Variants in XKR9 observed in about 807,000 individuals in gnomAD.
XKR9 encodes XK-related protein 9.
XKR9 carries 32 observed loss-of-function variants against 32.0 expected under a neutral mutation model. That is an observed-to-expected ratio of 1.00 (90% CI 0.76 to 1.34). XKR9 has a LOEUF of 1.34. XKR9 is among the 40% of genes most tolerant of loss of function. XKR9 has a pLI of 0.00. For missense variants in XKR9, 546 were observed against 429.7 expected, an observed-to-expected ratio of 1.27 and a Z score of -2.39; for synonymous variants, 168 against 143.4, an observed-to-expected ratio of 1.17 and a Z score of -1.22.
rs1272255584 is a variant in XKR9 at position 70,681,042 on chromosome 8, A to G, written c.-17A>G. 3.8e-6 allele frequency: 6 copies of G among 1,576,392 alleles called. No individual in the cohort carries two copies. The highest frequency in any genetic ancestry group is 1.4e-5 in the African/African-American group (1 of 73,234). On this transcript the variant is annotated 5_prime_UTR_variant, in exon 3 of 5. Transcript: ENST00000408926. ...AGGGAGAAAAAAGTAGATAACGAAAAGCTATAGTCATTCGTAATGAAATAT... is the reference window on the plus strand; with the variant it reads ...AGGGAGAAAAAAGTAGATAACGAAAGGCTATAGTCATTCGTAATGAAATAT...
the XKR9 span, among the ~76,000 whole-genome samples, chr8:71,062,661 CA>C: frequency 6.6e-6 from 1 of 151,976 alleles, no homozygotes; most frequent in South Asian, 2.1e-4. Flanking sequence ...AAAATTTCCA[CA>C]GTGGAGTTGA....
the XKR9 span, among the ~76,000 whole-genome samples, chr8:71,022,893 T>G: frequency 1.3e-5 from 2 of 152,084 alleles, no homozygotes; most frequent in Non-Finnish European, 2.9e-5. Context: ...AGCTCTTGAT[T>G]ATATTTTTAT....
At chr8:70,865,501 A>G in the XKR9 span, among the ~76,000 whole-genome samples, 1 of 151,904 alleles carries the variant, frequency 6.6e-6, no homozygotes, top group Non-Finnish European at 1.5e-5. Context: ...ATAATTTTGC[A>G]ATTGTATTTT....
chr8:70,952,153 T>TACACACAC, the XKR9 span, among the ~76,000 whole-genome samples: 5 of 148,104 alleles, frequency 3.4e-5, no homozygotes, highest in East Asian at 2.0e-4. Flanking sequence ...AGAAAACCTT[T>TACACACAC]ACACACACAC....
the XKR9 span, among the ~76,000 whole-genome samples, chr8:70,809,956 C>T: frequency 6.6e-6 from 1 of 152,096 alleles, no homozygotes; most frequent in East Asian, 1.9e-4. Flanking sequence ...AAAGATACTC[C>T]TCGAGAAGAG....
chr8:70,864,635 C>T, the XKR9 span, among the ~76,000 whole-genome samples: 6 of 152,118 alleles, frequency 3.9e-5, no homozygotes, highest in African/African-American at 1.2e-4. Flanking sequence ...GACAGCTTTG[C>T]CTATAAACCC....
chr8:70,829,100 T>C, the XKR9 span, among the ~76,000 whole-genome samples: 1 of 152,226 alleles, frequency 6.6e-6, no homozygotes, highest in South Asian at 2.1e-4. Context: ...TAGGCTTTTG[T>C]TGCAGTTTAT....
chr8:70,775,410 T>C (rs1200084875), intron 2 of XKR9, among the ~76,000 whole-genome samples: 2 of 152,202 alleles, frequency 1.3e-5, no homozygotes, highest in Admixed American at 1.3e-4. Context: ...ACTGAAATAG[T>C]GTAATATCAT....
chr8:70,947,053 C>T, the XKR9 span, among the ~76,000 whole-genome samples: 1 of 152,108 alleles, frequency 6.6e-6, no homozygotes, highest in Non-Finnish European at 1.5e-5. Context: ...GGAAAACAAA[C>T]AGATCAAAAT....
At chr8:70,703,372 T>C (rs1805606395) in intron 3 of XKR9, among the ~76,000 whole-genome samples, 1 of 152,130 alleles carries the variant, frequency 6.6e-6, no homozygotes, top group African/African-American at 2.4e-5. Context: ...ATACAGGTTT[T>C]AAACAACAAA....
At chr8:70,707,277 A>G in intron 4 of XKR9, 124 bp downstream of exon 4, 1 of 684,628 alleles carries the variant, frequency 1.5e-6, no homozygotes, top group Non-Finnish European at 2.4e-6. Flanking sequence ...TTTGAAAAGG[A>G]AGTACAGTAA....
chr8:70,976,594 T>C, the XKR9 span, among the ~76,000 whole-genome samples: 1 of 152,224 alleles, frequency 6.6e-6, no homozygotes, highest in African/African-American at 2.4e-5. Context: ...ATAAACTTTT[T>C]GATGTGCTGC....
At chr8:70,749,624 C>T (rs1807108372) in intron 2 of XKR9, among the ~76,000 whole-genome samples, 2 of 152,226 alleles carry the variant, frequency 1.3e-5, no homozygotes, top group South Asian at 2.1e-4. Flanking sequence ...ACTCACACAC[C>T]TCTCACCACT....
the XKR9 span, among the ~76,000 whole-genome samples, chr8:70,803,263 A>G: frequency 6.6e-6 from 1 of 152,148 alleles, no homozygotes; most frequent in Admixed American, 6.5e-5. Context: ...GTATTATGAA[A>G]TTCATGAAGA....
chr8:70,864,311 T>C, the XKR9 span, among the ~76,000 whole-genome samples: 56 of 152,324 alleles, frequency 3.7e-4, no homozygotes, highest in African/African-American at 1.3e-3. Flanking sequence ...GCAAATGTCT[T>C]GAGTGTTTTA....
At chr8:70,903,820 G>C in the XKR9 span, among the ~76,000 whole-genome samples, 12 of 152,108 alleles carry the variant, frequency 7.9e-5, no homozygotes, top group Non-Finnish European at 1.6e-4. Context: ...ATATGTCCCA[G>C]AGATTCTGGT....
the XKR9 span, among the ~76,000 whole-genome samples, chr8:70,864,737 G>A: frequency 6.6e-6 from 1 of 152,036 alleles, no homozygotes; most frequent in Non-Finnish European, 1.5e-5. Context: ...GGACAGGAAT[G>A]GTGATGTTTA....
chr8:70,929,152 C>A, the XKR9 span, among the ~76,000 whole-genome samples: 604 of 152,278 alleles, frequency 4.0e-3, 5 homozygotes, highest in Non-Finnish European at 6.2e-3. Flanking sequence ...AAAACCAGTT[C>A]TTTTGGATCT....
At chr8:70,766,388 A>C (rs1180690021) in intron 2 of XKR9, among the ~76,000 whole-genome samples, 1 of 152,118 alleles carries the variant, frequency 6.6e-6, no homozygotes, top group Non-Finnish European at 1.5e-5. Context: ...GAGTTCACTC[A>C]TGATTTGACT....
Sources: gnomAD v4.1 joint callset for allele counts (sites outside exome capture counted in the v4.1 genomes callset) on GRCh38, gnomAD v4.1.1 for gene constraint, MANE v1.5 for transcripts, NCBI Gene and HGNC (gene_info 2026-07-23, HGNC 2026-07-21) for gene names.